NBEAL1: variants seen among roughly 807,000 people sequenced by gnomAD.
NBEAL1 encodes the protein neurobeachin-like protein 1.
A neutral mutation model predicts 351.3 loss-of-function variants in NBEAL1; 273 were observed. That is an observed-to-expected ratio of 0.78 (90% CI 0.70 to 0.86). NBEAL1 has a LOEUF of 0.86. NBEAL1 is among the 40% of genes least tolerant of loss of function. The probability of loss-of-function intolerance (pLI) is 0.00; values close to 1 mark genes in which losing one functional copy is unlikely to be tolerated. For synonymous variants in NBEAL1, 1,050 were observed against 1,086.4 expected, an observed-to-expected ratio of 0.97 and a Z score of 0.66; for missense variants, 2,961 against 3,201.3, an observed-to-expected ratio of 0.92 and a Z score of 1.81.
intron 38 of NBEAL1, among the ~76,000 whole-genome samples, chr2:203,169,340 T>A (rs1160154241): frequency 6.7e-6 from 1 of 148,954 alleles, no homozygotes; most frequent in Non-Finnish European, 1.5e-5. Context: ...TGATAAAAAA[T>A]TTCTGAAGTT....
At chr2:203,070,359 C>CTTTTTTTTT (rs34588218) in intron 7 of NBEAL1, among the ~76,000 whole-genome samples, 2 of 92,338 alleles carry the variant, frequency 2.2e-5, no homozygotes, top group Non-Finnish European at 4.3e-5. Flanking sequence ...CTCTCTCTCT[C>CTTTTTTTTT]TTTTTTTTTT....
intron 33 of NBEAL1, among the ~76,000 whole-genome samples, chr2:203,148,748 G>T (rs559047381): frequency 6.6e-6 from 1 of 151,316 alleles, no homozygotes; most frequent in South Asian, 2.1e-4. Flanking sequence ...AGTTCTTCAC[G>T]TGTTTATTGT....
chr2:203,125,269 T>A (rs2062912783), intron 19 of NBEAL1, 83 bp from the exon 20 acceptor site: 1 of 1,034,162 alleles, frequency 9.7e-7, no homozygotes, highest in East Asian at 2.9e-5. Flanking sequence ...ATCTAGCAGA[T>A]TATAACTTCA....
intron 53 of NBEAL1, among the ~76,000 whole-genome samples, chr2:203,209,563 T>C (rs373926922): frequency 1.1e-4 from 17 of 152,344 alleles, no homozygotes; most frequent in Admixed American, 2.0e-4. Context: ...TTCAAAATAA[T>C]TTCTGCTTAT....
intron 12 of NBEAL1, among the ~76,000 whole-genome samples, chr2:203,103,352 C>CTG (rs2062367045): frequency 6.6e-6 from 1 of 152,050 alleles, no homozygotes; most frequent in Admixed American, 6.6e-5. Context: ...CAGCTCACTG[C>CTG]AACCTCCGCC....
intron 36 of NBEAL1, 147 bp from the exon 37 acceptor site, chr2:203,166,002 G>A (rs2064118348): frequency 1.6e-5 from 10 of 616,408 alleles, no homozygotes; most frequent in Non-Finnish European, 2.5e-5. Flanking sequence ...AGCCGACATT[G>A]TGCCACTGCA....
rs71928655 is a variant in NBEAL1 at position 203,161,628 on chromosome 2, C to CAAATAAAT, written c.5714+3851_5714+3858dup. On this transcript the variant is annotated intron_variant, in intron 36 of 55. Coordinates refer to ENST00000683969, the MANE Select transcript of NBEAL1 (RefSeq NM_001378026.1). ...TGGGTGACAGAGCAAGACTCCGTCT[C>CAAATAAAT]AAATAAATAAATAAATAAATAAATA... 4.7e-4 allele frequency among the ~76,000 whole-genome samples: 64 copies of CAAATAAAT among 137,208 alleles called. 1 individual carries two copies. Among genetic ancestry groups the CAAATAAAT allele is most frequent in the Non-Finnish European group, 6.6e-4 (43 of 64,730 alleles). 90.0% of individuals were successfully genotyped at this position (137,208 alleles called of 152,430 possible).
At chr2:203,104,692 T>C (rs1279640380) in intron 12 of NBEAL1, among the ~76,000 whole-genome samples, 2 of 152,186 alleles carry the variant, frequency 1.3e-5, no homozygotes, top group African/African-American at 2.4e-5. Context: ...TAATGGTCTT[T>C]CCTTTCCATA....
chr2:203,136,787 T>C lies in NBEAL1; in HGVS notation c.4565+13T>C. ...AAATAAAACTAACGTAAGCATTTAG[T>C]TAGTGATTTTCCATCCTCCTTTTGG... On this transcript the variant is annotated intron_variant, in intron 29 of 55. Coordinates refer to ENST00000683969, the MANE Select transcript of NBEAL1 (RefSeq NM_001378026.1). 1 of 1,607,882 alleles carries C rather than the reference T, an allele frequency of 6.2e-7. No individual in the cohort carries two copies. The highest frequency in any genetic ancestry group is 2.2e-5 in the East Asian group (1 of 44,744).
chr2:203,158,361 G>A (rs2063853003), intron 36 of NBEAL1, among the ~76,000 whole-genome samples: 1 of 152,150 alleles, frequency 6.6e-6, no homozygotes, highest in Non-Finnish European at 1.5e-5. Flanking sequence ...GAAAAGAATA[G>A]TAATAACTTT....
chr2:203,092,894 T>C (rs1224088949), intron 10 of NBEAL1, among the ~76,000 whole-genome samples: 2 of 152,148 alleles, frequency 1.3e-5, no homozygotes, highest in Non-Finnish European at 2.9e-5. Flanking sequence ...TAAATTGTTA[T>C]AAAGACAAAT....
At chr2:203,041,659 G>C in intron 2 of NBEAL1, 106 bp from the exon 3 acceptor site, 1 of 710,526 alleles carries the variant, frequency 1.4e-6, no homozygotes, top group East Asian at 2.7e-5. Context: ...AATATCACTT[G>C]GAGATTTCAT....
At position 203,169,412 on chromosome 2, in the gene NBEAL1, C is replaced by A. The variant is rs796171995; in HGVS notation, c.5998-335C>A. Among the ~76,000 whole-genome samples the A allele has an allele frequency of 6.9e-3, 733 of 106,312 alleles. 6 individuals carry two copies. The highest frequency in any genetic ancestry group is 0.023 in the African/African-American group (685 of 30,380). 69.7% of individuals were successfully genotyped at this position (106,312 alleles called of 152,430 possible). On this transcript the variant is annotated intron_variant, in intron 38 of 55. Coordinates refer to ENST00000683969, the MANE Select transcript of NBEAL1 (RefSeq NM_001378026.1). ...GTAAAAAAAAAAAAAAAAAAAAAAA[C>A]CACTGAAGCCAGGTGTGGTGGCTCA...
In NBEAL1 at chr2:203,154,210, T is replaced by A. The variant is rs544022342; in HGVS notation, c.5587+2621T>A. On this transcript the variant is annotated intron_variant, in intron 35 of 55. Transcript: ENST00000683969. The stretch of plus-strand genomic sequence containing the variant: ...GAGATTGTGCCACTGCACTCCAGCC[T>A]GGGCGACAGAGCCAGACCCCGTCTC... Among the ~76,000 whole-genome samples, 7 of 142,810 alleles carry A rather than the reference T, an allele frequency of 4.9e-5. No homozygotes were observed. In the East Asian group the frequency reaches 1.4e-3, roughly 29 times the overall value. 93.7% of individuals were successfully genotyped at this position (142,810 alleles called of 152,430 possible).
chr2:203,122,780 T>G (rs1232725754), intron 19 of NBEAL1, among the ~76,000 whole-genome samples: 1 of 152,224 alleles, frequency 6.6e-6, no homozygotes, highest in Non-Finnish European at 1.5e-5. Flanking sequence ...ACTGCTCTTA[T>G]GGGTATCCCT....
At chr2:203,080,804 C>G (rs2061858507) in intron 8 of NBEAL1, among the ~76,000 whole-genome samples, 1 of 152,102 alleles carries the variant, frequency 6.6e-6, no homozygotes, top group Non-Finnish European at 1.5e-5. Flanking sequence ...AGCTGATTTC[C>G]TTCTTTTGGA....
chr2:203,094,993 G>A (rs1010403368), intron 10 of NBEAL1, among the ~76,000 whole-genome samples: 20 of 151,968 alleles, frequency 1.3e-4, no homozygotes, highest in African/African-American at 3.4e-4. Flanking sequence ...GCGTGGTGGC[G>A]CATGCCTGTA....
intron 8 of NBEAL1, among the ~76,000 whole-genome samples, chr2:203,081,418 A>G (rs2061870544): frequency 6.6e-6 from 1 of 152,214 alleles, no homozygotes; most frequent in Non-Finnish European, 1.5e-5. Context: ...ATGATACGGA[A>G]ATAGTAACAT....
chr2:203,099,620 C>G lies in NBEAL1; in HGVS notation c.1186-9C>G, dbSNP rs796410549. 6.5e-6 allele frequency: 10 copies of G among 1,529,034 alleles called. No homozygotes were observed. In the African/African-American group the frequency reaches 1.4e-4, roughly 21 times the overall value. 94.7% of individuals were successfully genotyped at this position (1,529,034 alleles called of 1,614,324 possible). On this transcript the variant is annotated splice_polypyrimidine_tract_variant and intron_variant, in intron 11 of 55. Coordinates refer to ENST00000683969, the MANE Select transcript of NBEAL1 (RefSeq NM_001378026.1). Reference sequence around the variant, plus strand: ...TGTTAATTTCTTGTTTCCCCTTCCCCCTCAATAGGTGTTTCAGGGACAATT... The same window carrying G: ...TGTTAATTTCTTGTTTCCCCTTCCCGCTCAATAGGTGTTTCAGGGACAATT...
Sources: allele counts gnomAD v4.1 joint callset (sites outside exome capture counted in the v4.1 genomes callset), GRCh38; gene constraint gnomAD v4.1.1; transcripts MANE v1.5; gene names NCBI Gene and HGNC (gene_info 2026-07-23, HGNC 2026-07-21).